The following HPF1 variants were observed in gnomAD, a reference collection of about 807,000 sequenced individuals.
HPF1 encodes UPF0609 protein C4orf27.
In HPF1, 35 loss-of-function variants were observed where a neutral mutation model predicts 38.8. That is an observed-to-expected ratio of 0.90 (90% CI 0.69 to 1.19). The LOEUF is 1.19. Ranked by LOEUF, HPF1 falls within the 50% of genes most tolerant of loss-of-function variation. The probability of loss-of-function intolerance (pLI) is 0.00; values close to 1 mark genes in which losing one functional copy is unlikely to be tolerated. For synonymous variants in HPF1, 115 were observed against 139.2 expected (o/e 0.83, Z 1.22); for missense variants, 367 against 405.8 (o/e 0.90, Z 0.82).
chr4:169,730,076 T>C (rs1350119078), intron 7 of HPF1, among the ~76,000 whole-genome samples: 1 of 152,214 alleles, frequency 6.6e-6, no homozygotes, highest in Non-Finnish European at 1.5e-5. Context: ...TCTGTAAGAA[T>C]AGCTATGCTG....
At chr4:169,746,052 G>A (rs1734043787) in intron 4 of HPF1, among the ~76,000 whole-genome samples, 1 of 152,050 alleles carries the variant, frequency 6.6e-6, no homozygotes. Context: ...TTCCTTTGTT[G>A]TTCAAAGTTA....
chr4:169,749,551 C>T (rs1457478037), intron 3 of HPF1, among the ~76,000 whole-genome samples: 2 of 151,840 alleles, frequency 1.3e-5, no homozygotes, highest in African/African-American at 2.4e-5. Flanking sequence ...AAGCCAGGTC[C>T]CTCCCAAGGA....
chr4:169,746,115 T>C (rs748103561), intron 4 of HPF1, among the ~76,000 whole-genome samples: 3 of 152,210 alleles, frequency 2.0e-5, no homozygotes, highest in African/African-American at 7.2e-5. Flanking sequence ...AATGGAATCA[T>C]TCTACACTAT....
intron 4 of HPF1, among the ~76,000 whole-genome samples, chr4:169,742,601 G>T (rs528112180): frequency 2.2e-4 from 33 of 152,274 alleles, no homozygotes; most frequent in South Asian, 1.0e-3. Context: ...GACCATCCTG[G>T]CTAACAAGGT....
chr4:169,743,432 T>TTTTTTTTTTG (rs1734005730), intron 4 of HPF1, among the ~76,000 whole-genome samples: 1 of 146,564 alleles, frequency 6.8e-6, no homozygotes, highest in African/African-American at 2.6e-5. Context: ...TTTTTTTTTT[T>TTTTTTTTTTG]TTCATTTTTA....
intron 5 of HPF1, 107 bp from the exon 6 acceptor site, chr4:169,737,854 T>C: frequency 1.4e-6 from 1 of 740,194 alleles, no homozygotes; most frequent in Non-Finnish European, 2.4e-6. Flanking sequence ...TAACATTTAA[T>C]CACATTTTAT....
intron 3 of HPF1, 55 bp from the exon 4 acceptor site, chr4:169,748,897 C>G: frequency 1.2e-6 from 1 of 806,584 alleles, no homozygotes; most frequent in Non-Finnish European, 2.0e-6. Flanking sequence ...TATTATCAGG[C>G]AAGTGGGATT....
At chr4:169,747,036 G>A (rs1212249947) in intron 4 of HPF1, among the ~76,000 whole-genome samples, 1 of 148,618 alleles carries the variant, frequency 6.7e-6, no homozygotes, top group Non-Finnish European at 1.5e-5. Flanking sequence ...TGAAAAGTTA[G>A]GCTTGTTTTT....
In HPF1 at chr4:169,731,896, T is replaced by C. The variant is rs1553976841; in HGVS notation, c.737-20A>G. 1.9e-6 allele frequency: 3 copies of C among 1,579,646 alleles called. No homozygotes were observed. The highest frequency in any genetic ancestry group is 1.4e-5 in the African/African-American group (1 of 73,986). On this transcript the variant is annotated intron_variant, in intron 6 of 7. Coordinates refer to ENST00000393381, the MANE Select transcript of HPF1 (RefSeq NM_017867.3). The stretch of plus-strand genomic sequence containing the variant: ...GGTCAGCTGAAAGAAATCAATAATA[T>C]AAAAGATTATCTACATAGTTAGAAA...
intron 4 of HPF1, among the ~76,000 whole-genome samples, chr4:169,748,013 G>T (rs944504378): frequency 5.3e-5 from 8 of 152,162 alleles, no homozygotes; most frequent in African/African-American, 1.7e-4. Flanking sequence ...CTCCCTGATG[G>T]TGGCAGAGAC....
At chr4:169,743,408 C>CTTTT (rs1734004243) in intron 4 of HPF1, among the ~76,000 whole-genome samples, 1 of 74,250 alleles carries the variant, frequency 1.3e-5, no homozygotes, top group African/African-American at 6.1e-5. Flanking sequence ...CTGCCCCTGG[C>CTTTT]CTTTTTTTTT....
At chr4:169,732,075 A>G (rs1475137622) in intron 6 of HPF1, 199 bp from the exon 7 acceptor site, 1 of 491,588 alleles carries the variant, frequency 2.0e-6, no homozygotes, top group Non-Finnish European at 3.6e-6. Flanking sequence ...TTCAAGCTTA[A>G]AAACAGGTTA....
At chr4:169,740,794 T>C (rs571483649) in intron 5 of HPF1, among the ~76,000 whole-genome samples, 1 of 152,290 alleles carries the variant, frequency 6.6e-6, no homozygotes, top group African/African-American at 2.4e-5. Context: ...ATCTTCTTTA[T>C]GGGGAAGAAT....
chr4:169,738,538 C>T (rs1560887809), intron 5 of HPF1, among the ~76,000 whole-genome samples: 1 of 152,162 alleles, frequency 6.6e-6, no homozygotes, highest in South Asian at 2.1e-4. Context: ...TTTTAAAGGC[C>T]TCTCACCTAA....
chr4:169,741,889 T>C (rs1733973617), intron 5 of HPF1, 68 bp downstream of exon 5: 11 of 1,306,964 alleles, frequency 8.4e-6, no homozygotes, highest in Non-Finnish European at 1.1e-5. Context: ...AAAGTAGAGA[T>C]GGGAAGGAAT....
chr4:169,748,937 T>A (rs1381339481), intron 3 of HPF1, 95 bp from the exon 4 acceptor site: 2 of 597,272 alleles, frequency 3.3e-6, no homozygotes, highest in Non-Finnish European at 6.0e-6. Flanking sequence ...TTTACACCTA[T>A]TTTTTTTCCT....
At chr4:169,751,926 C>G (rs1317071774) in intron 2 of HPF1, among the ~76,000 whole-genome samples, 1 of 152,084 alleles carries the variant, frequency 6.6e-6, no homozygotes, top group East Asian at 1.9e-4. Flanking sequence ...ATGTAACAAA[C>G]TGAGAAGGGT....
At chr4:169,754,295 C>T (rs1353395340) in intron 1 of HPF1, among the ~76,000 whole-genome samples, 2 of 152,164 alleles carry the variant, frequency 1.3e-5, no homozygotes, top group Non-Finnish European at 2.9e-5. Flanking sequence ...GAGCTATTCA[C>T]TACAATCATT....
In HPF1 at chr4:169,731,714, T is replaced by C. The variant is rs781416654; in HGVS notation, c.899A>G (p.Tyr300Cys). Residue 300 changes from tyrosine (Y) to cysteine (C), a missense_variant, in exon 7 of 8, where the codon TAT becomes TGT. Coordinates refer to ENST00000393381, the MANE Select transcript of HPF1 (RefSeq NM_017867.3). ...GLELGMDLFCYGSHYFHKVAG... is the reference protein window; with the variant it reads ...GLELGMDLFCCGSHYFHKVAG... The stretch of plus-strand genomic sequence containing the variant: ...GGTTTTTTTACTCACATGTGAGCCA[T>C]AGCAAAAGAGATCCATTCCCAATTC... 6 of 1,551,508 alleles carry C rather than the reference T, an allele frequency of 3.9e-6. No homozygotes were observed. The African/African-American group carries it at 7.0e-5, about 18-fold the overall frequency.
Sources: gnomAD v4.1 joint callset for allele counts (sites outside exome capture counted in the v4.1 genomes callset) on GRCh38, gnomAD v4.1.1 for gene constraint, MANE v1.5 for transcripts, NCBI Gene and HGNC (gene_info 2026-07-23, HGNC 2026-07-21) for gene names.